The following FSTL5 variants were observed in gnomAD, a reference collection of about 807,000 sequenced individuals.
The protein encoded by FSTL5 is follistatin-related protein 5.
A neutral mutation model predicts 89.1 loss-of-function variants in FSTL5; 62 were observed. The observed-to-expected ratio is 0.70, with a 90% confidence interval of 0.57 to 0.86. FSTL5 has a LOEUF of 0.86. FSTL5 is among the 40% of genes least tolerant of loss of function. FSTL5 has a pLI of 0.00. For synonymous variants in FSTL5, 383 were observed against 346.2 expected, an observed-to-expected ratio of 1.11 and a Z score of -1.18; for missense variants, 1,057 against 1,001.6, an observed-to-expected ratio of 1.06 and a Z score of -0.75.
chr4:162,071,275 T>C lies in FSTL5; in HGVS notation c.127-37617A>G, dbSNP rs1281844538. ...AATTCTCTTCCCAAAAAGACACTCA[T>C]AGACTAAAAGTAAAGAGAGGAAAAA... On this transcript the variant is annotated intron_variant, in intron 2 of 15. Transcript: ENST00000306100. Among the ~76,000 whole-genome samples, 7 of 151,458 alleles carry C rather than the reference T, an allele frequency of 4.6e-5. No individual in the cohort carries two copies. The East Asian group carries it at 1.4e-3, about 30-fold the overall frequency.
At chr4:161,848,861 T>C (rs1047025295) in intron 4 of FSTL5, among the ~76,000 whole-genome samples, 6 of 152,182 alleles carry the variant, frequency 3.9e-5, no homozygotes, top group South Asian at 2.1e-4. Flanking sequence ...TTGCATTCAA[T>C]TGACCAAAGT....
intron 1 of FSTL5, among the ~76,000 whole-genome samples, chr4:162,141,106 C>CTCT (rs1393343548): frequency 1.4e-4 from 6 of 44,008 alleles, no homozygotes; most frequent in South Asian, 2.5e-3. Flanking sequence ...TCCCTTCTCT[C>CTCT]TTTTTTTTTT....
chr4:161,651,439 C>A (rs1028909481), intron 7 of FSTL5, among the ~76,000 whole-genome samples: 2 of 151,262 alleles, frequency 1.3e-5, no homozygotes, highest in Non-Finnish European at 2.9e-5. Context: ...TTTCTTGGTA[C>A]TATATGTAAC....
intron 11 of FSTL5, among the ~76,000 whole-genome samples, chr4:161,504,229 A>G (rs1009766541): frequency 1.3e-5 from 2 of 151,940 alleles, no homozygotes; most frequent in Non-Finnish European, 2.9e-5. Flanking sequence ...TCCATTTCTA[A>G]TACTAAATAT....
intron 13 of FSTL5, among the ~76,000 whole-genome samples, chr4:161,476,812 A>G (rs1035567507): frequency 6.6e-5 from 10 of 152,186 alleles, no homozygotes; most frequent in African/African-American, 1.9e-4. Flanking sequence ...TGTGGCAACA[A>G]TGTTCACCCA....
chr4:161,951,581 G>C (rs910964785), intron 3 of FSTL5, among the ~76,000 whole-genome samples: 1 of 152,004 alleles, frequency 6.6e-6, no homozygotes, highest in African/African-American at 2.4e-5. Flanking sequence ...AGTATGTAAT[G>C]CTTGATACTA....
intron 8 of FSTL5, chr4:161,552,354 T>C (rs1732244928): frequency 6.6e-6 from 1 of 151,790 alleles, no homozygotes; most frequent in Admixed American, 6.6e-5. Flanking sequence ...GCAACAGTCT[T>C]TGGAGCAGCA....
chr4:162,154,353 C>A (rs1306225078), intron 1 of FSTL5, among the ~76,000 whole-genome samples: 1 of 152,052 alleles, frequency 6.6e-6, no homozygotes, highest in Non-Finnish European at 1.5e-5. Context: ...GCATGTAAAT[C>A]TTTTGTTGAA....
At chr4:161,428,734 C>T (rs139882275) in intron 15 of FSTL5, among the ~76,000 whole-genome samples, 8 of 152,240 alleles carry the variant, frequency 5.3e-5, no homozygotes, top group African/African-American at 1.9e-4. Flanking sequence ...CCGGACAGTA[C>T]TCACCATGGG....
At chr4:162,061,368 G>T (rs981937717) in intron 2 of FSTL5, among the ~76,000 whole-genome samples, 6 of 152,122 alleles carry the variant, frequency 3.9e-5, no homozygotes, top group Non-Finnish European at 1.5e-5. Context: ...GATGTCCTCT[G>T]GAATACAAGT....
intron 13 of FSTL5, among the ~76,000 whole-genome samples, chr4:161,470,469 A>G (rs1733897925): frequency 6.6e-6 from 1 of 151,382 alleles, no homozygotes; most frequent in Non-Finnish European, 1.5e-5. Flanking sequence ...TGCTAGTACT[A>G]CACAGTTTTT....
chr4:162,059,783 T>G (rs2111278408), intron 2 of FSTL5, among the ~76,000 whole-genome samples: 1 of 152,272 alleles, frequency 6.6e-6, no homozygotes, highest in South Asian at 2.1e-4. Context: ...GCTCAAAATT[T>G]AAGTGGACTC....
chr4:161,463,521 C>T (rs554432669), intron 13 of FSTL5, among the ~76,000 whole-genome samples: 1 of 152,160 alleles, frequency 6.6e-6, no homozygotes, highest in East Asian at 1.9e-4. Flanking sequence ...ACTTCCATGA[C>T]CCAATTTTCA....
intron 8 of FSTL5, among the ~76,000 whole-genome samples, chr4:161,582,212 A>G (rs1479557881): frequency 6.6e-6 from 1 of 152,222 alleles, no homozygotes; most frequent in Non-Finnish European, 1.5e-5. Flanking sequence ...ATGGTAATCA[A>G]TGACATATTT....
At chr4:161,750,485 T>A (rs993816203) in intron 6 of FSTL5, among the ~76,000 whole-genome samples, 7 of 152,156 alleles carry the variant, frequency 4.6e-5, no homozygotes, top group African/African-American at 1.7e-4. Flanking sequence ...TTAAAATCAA[T>A]TTTGCCTGAT....
chr4:162,104,975 G>A (rs569868116), intron 2 of FSTL5, among the ~76,000 whole-genome samples: 1 of 152,222 alleles, frequency 6.6e-6, no homozygotes, highest in South Asian at 2.1e-4. Flanking sequence ...CAGGCAATTA[G>A]CATGTTAATT....
At chr4:161,973,220 A>T (rs780598500) in intron 3 of FSTL5, among the ~76,000 whole-genome samples, 12 of 152,148 alleles carry the variant, frequency 7.9e-5, no homozygotes, top group Non-Finnish European at 1.3e-4. Flanking sequence ...GACAGTTTTA[A>T]TTGCACAGAT....
chr4:161,882,877 T>A (rs1189066813), intron 4 of FSTL5, among the ~76,000 whole-genome samples: 1 of 152,086 alleles, frequency 6.6e-6, no homozygotes, highest in African/African-American at 2.4e-5. Flanking sequence ...TGGTGATGCA[T>A]GTAGGAAGAT....
chr4:162,125,668 G>A (rs1220912626), intron 1 of FSTL5, among the ~76,000 whole-genome samples: 4 of 152,072 alleles, frequency 2.6e-5, no homozygotes, highest in African/African-American at 7.2e-5. Context: ...AACGCATACA[G>A]TCTTCATCAG....
Sources: allele counts gnomAD v4.1 joint callset (sites outside exome capture counted in the v4.1 genomes callset), GRCh38; gene constraint gnomAD v4.1.1; transcripts MANE v1.5; gene names NCBI Gene and HGNC (gene_info 2026-07-23, HGNC 2026-07-21).